The following ADGRG7 variants were observed in gnomAD, a reference collection of about 807,000 sequenced individuals.
ADGRG7 encodes the protein G-protein coupled receptor 128.
A neutral mutation model predicts 88.6 loss-of-function variants in ADGRG7; 82 were observed. The observed-to-expected ratio is 0.93, with a 90% CI of 0.77 to 1.11. The LOEUF (loss-of-function observed/expected upper bound fraction) is 1.11, where lower values mean the gene tolerates loss of function less well. ADGRG7 is among the 50% of genes most tolerant of loss of function. The pLI is 0.00. For synonymous variants in ADGRG7, 381 were observed against 345.2 expected, an observed-to-expected ratio of 1.10 and a Z score of -1.15; for missense variants, 945 against 953.4, an observed-to-expected ratio of 0.99 and a Z score of 0.12.
chr3:100,690,782 G>T (rs1283935203), intron 15 of ADGRG7, among the ~76,000 whole-genome samples: 1 of 152,210 alleles, frequency 6.6e-6, no homozygotes, highest in Non-Finnish European at 1.5e-5. Context: ...GCCCCTACTT[G>T]GGGGTGCCTC....
intron 12 of ADGRG7, among the ~76,000 whole-genome samples, chr3:100,655,665 A>G (rs1299049463): frequency 6.6e-6 from 1 of 152,226 alleles, no homozygotes; most frequent in Admixed American, 6.5e-5. Context: ...AAGAGTTACA[A>G]AGAAACTGGA....
intron 1 of ADGRG7, among the ~76,000 whole-genome samples, chr3:100,618,329 C>G (rs1442498182): frequency 6.6e-6 from 1 of 152,114 alleles, no homozygotes; most frequent in Non-Finnish European, 1.5e-5. Context: ...AGGTTTTCTT[C>G]TAGGGTTTTT....
intron 15 of ADGRG7, among the ~76,000 whole-genome samples, chr3:100,679,800 A>G (rs2094970641): frequency 6.6e-6 from 1 of 152,296 alleles, no homozygotes; most frequent in African/African-American, 2.4e-5. Context: ...ACTCCTCACC[A>G]TGATTGATAC....
chr3:100,627,968 T>G (rs1419277474), intron 1 of ADGRG7, among the ~76,000 whole-genome samples: 1 of 152,196 alleles, frequency 6.6e-6, no homozygotes, highest in South Asian at 2.1e-4. Flanking sequence ...CTCTGTTTAT[T>G]TTTTTAAATC....
intron 1 of ADGRG7, among the ~76,000 whole-genome samples, chr3:100,616,398 AAAAG>A (rs1341727488): frequency 6.6e-6 from 1 of 152,204 alleles, no homozygotes. Context: ...GAAAAATAAA[AAAAG>A]AAAAATACAG....
At chr3:100,659,204 G>C (rs577438877) in intron 13 of ADGRG7, among the ~76,000 whole-genome samples, 5 of 151,954 alleles carry the variant, frequency 3.3e-5, no homozygotes, top group Non-Finnish European at 7.4e-5. Context: ...AGGCCGAGGT[G>C]GGTGGATCAC....
rs572523977 is a variant in ADGRG7 at position 100,651,881 on chromosome 3, G to A, written c.1379+2074G>A. Among the ~76,000 whole-genome samples the A allele has an allele frequency of 1.2e-4, 18 of 152,218 alleles. No individual in the cohort carries two copies. In the South Asian group the frequency reaches 2.9e-3, roughly 25 times the overall value. ...GCTTTAAGATGTTGCAAAAGTGATA[G>A]CATTCAGGATGTTTCTTGATTTATG... On this transcript the variant is annotated intron_variant, in intron 11 of 15. Coordinates refer to ENST00000273352, the MANE Select transcript of ADGRG7 (RefSeq NM_032787.3).
intron 1 of ADGRG7, among the ~76,000 whole-genome samples, chr3:100,613,939 A>G (rs1402240236): frequency 6.6e-6 from 1 of 152,212 alleles, no homozygotes; most frequent in Non-Finnish European, 1.5e-5. Context: ...GCTTTGAGCA[A>G]ATTATTAACT....
At chr3:100,636,965 CTCT>C (rs1303146048) in intron 5 of ADGRG7, among the ~76,000 whole-genome samples, 14 of 152,130 alleles carry the variant, frequency 9.2e-5, no homozygotes, top group African/African-American at 2.7e-4. Flanking sequence ...GAGTATTGCA[CTCT>C]TCTTATTTTG....
At chr3:100,693,145 G>A (rs996570817) in intron 15 of ADGRG7, among the ~76,000 whole-genome samples, 2 of 152,256 alleles carry the variant, frequency 1.3e-5, no homozygotes, top group South Asian at 2.1e-4. Context: ...AGGTCCAACA[G>A]GATGGTGTTT....
In ADGRG7 at chr3:100,655,218, T is replaced by C. The variant is rs1464190180; in HGVS notation, c.1726+37T>C. 6.2e-6 allele frequency: 9 copies of C among 1,444,370 alleles called. No individual in the cohort carries two copies. The African/African-American group carries it at 8.5e-5, about 14-fold the overall frequency. 89.5% of individuals were successfully genotyped at this position (1,444,370 alleles called of 1,614,324 possible). A position where few individuals can be genotyped will look rare whatever the true frequency, so the allele number is the denominator to read the frequency against. On this transcript the variant is annotated intron_variant, in intron 12 of 15. Coordinates refer to ENST00000273352, the MANE Select transcript of ADGRG7 (RefSeq NM_032787.3). ...CATCTCCCCTTTCTCAGGAATTTAA[T>C]TTTGTGGAAATCATTTAATTTAAAC... is the stretch of plus-strand genomic sequence containing the variant.
Position 100,635,840 on chromosome 3 carries a change from A to G in ADGRG7, c.597+14A>G, listed in dbSNP as rs1181550195. On this transcript the variant is annotated intron_variant, in intron 5 of 15. Coordinates refer to ENST00000273352, the MANE Select transcript of ADGRG7 (RefSeq NM_032787.3). Reference sequence around the variant, plus strand: ...GCTTCACCTGAGGTAAAACTCACAGAGCTTTAAAAAAAATTTTTTTTTTAT... The same window carrying G: ...GCTTCACCTGAGGTAAAACTCACAGGGCTTTAAAAAAAATTTTTTTTTTAT... 2.5e-6 allele frequency: 4 copies of G among 1,589,524 alleles called. No individual in the cohort carries two copies. In the African/African-American group the frequency reaches 4.1e-5, roughly 16 times the overall value.
intron 15 of ADGRG7, among the ~76,000 whole-genome samples, chr3:100,693,274 C>T (rs1298637080): frequency 6.6e-6 from 1 of 151,974 alleles, no homozygotes; most frequent in Non-Finnish European, 1.5e-5. Context: ...TAGTGTATGC[C>T]ACAAAAAAGA....
intron 12 of ADGRG7, 125 bp downstream of exon 12, chr3:100,655,306 G>A: frequency 1.5e-6 from 1 of 667,244 alleles, no homozygotes; most frequent in Non-Finnish European, 2.5e-6. Context: ...AAAATATAGT[G>A]ATTGCTAAGA....
chr3:100,649,056 A>G (rs1559679497), intron 10 of ADGRG7, among the ~76,000 whole-genome samples: 2 of 152,190 alleles, frequency 1.3e-5, no homozygotes, highest in Admixed American at 1.3e-4. Context: ...TAGTGCATCA[A>G]TTTAGATATA....
intron 15 of ADGRG7, among the ~76,000 whole-genome samples, chr3:100,686,345 A>G (rs1233104879): frequency 6.6e-6 from 1 of 152,124 alleles, no homozygotes; most frequent in Non-Finnish European, 1.5e-5. Context: ...CTCTGATGGT[A>G]GTTTCTTTTG....
chr3:100,652,309 A>G (rs932089884), intron 11 of ADGRG7, among the ~76,000 whole-genome samples: 4 of 152,212 alleles, frequency 2.6e-5, no homozygotes, highest in African/African-American at 9.6e-5. Flanking sequence ...AAGCGAGGTC[A>G]TGATGAAACA....
intron 14 of ADGRG7, among the ~76,000 whole-genome samples, chr3:100,660,550 C>T (rs371165925): frequency 6.6e-6 from 1 of 152,232 alleles, no homozygotes; most frequent in South Asian, 2.1e-4. Context: ...AGTGATCCTC[C>T]CCAGTTGGCC....
chr3:100,620,195 A>G (rs1469982342), intron 1 of ADGRG7, among the ~76,000 whole-genome samples: 4 of 152,332 alleles, frequency 2.6e-5, no homozygotes, highest in Non-Finnish European at 4.4e-5. Context: ...CAGCACATCA[A>G]AAAGCTTATC....
Sources: allele counts gnomAD v4.1 joint callset (sites outside exome capture counted in the v4.1 genomes callset), GRCh38; gene constraint gnomAD v4.1.1; transcripts MANE v1.5; gene names NCBI Gene and HGNC (gene_info 2026-07-23, HGNC 2026-07-21).